The following B3GALT1 variants were observed in gnomAD, a reference collection of about 807,000 sequenced individuals.
B3GALT1 encodes UDP-Gal:betaGlcNAc beta 1,3-galactosyltransferase, polypeptide 1.
B3GALT1 carries 10 observed loss-of-function variants against 23.2 expected under a neutral mutation model. The ratio of observed to expected loss-of-function variants is 0.43; its 90% confidence interval spans 0.27 to 0.73. The LOEUF is 0.73. Ranked by LOEUF, B3GALT1 falls within the 30% of genes least tolerant of loss-of-function variation. The pLI is 0.21. For missense variants in B3GALT1, 299 were observed against 405.4 expected, an observed-to-expected ratio of 0.74 and a Z score of 2.25; for synonymous variants, 156 against 141.5, an observed-to-expected ratio of 1.10 and a Z score of -0.73.
At chr2:167,450,517 A>T (rs1157980717) in intron 1 of B3GALT1, among the ~76,000 whole-genome samples, 5 of 152,290 alleles carry the variant, frequency 3.3e-5, no homozygotes, top group African/African-American at 1.2e-4. Flanking sequence ...GCCTGAAGAT[A>T]GGGCCCCAAT....
chr2:167,529,076 C>T (rs768018878), intron 2 of B3GALT1, among the ~76,000 whole-genome samples: 1 of 152,062 alleles, frequency 6.6e-6, no homozygotes, highest in Non-Finnish European at 1.5e-5. Context: ...CACTGAAACT[C>T]ATGTCATTTC....
rs558219093 is a variant in B3GALT1 at position 167,320,271 on chromosome 2, C to T, written c.-511+26937C>T. Among the ~76,000 whole-genome samples, 483 of 151,370 alleles carry T rather than the reference C, an allele frequency of 3.2e-3. 4 individuals carry two copies. Among genetic ancestry groups the T allele is most frequent in the Non-Finnish European group, 3.7e-3 (250 of 67,834 alleles). ...GTGACATGATCTTGGCTCACTGCAA[C>T]CTGTGCCTACTGGGTTCAAGAGATT... On this transcript the variant is annotated intron_variant, in intron 1 of 4. Coordinates refer to ENST00000392690, the MANE Select transcript of B3GALT1 (RefSeq NM_020981.4).
intron 1 of B3GALT1, among the ~76,000 whole-genome samples, chr2:167,452,814 T>C (rs1448661221): frequency 3.9e-5 from 6 of 152,192 alleles, no homozygotes; most frequent in Non-Finnish European, 8.8e-5. Context: ...AAGAGGCTGA[T>C]GTAGAAGCCA....
chr2:167,703,752 T>C (rs1184366176), intron 3 of B3GALT1, among the ~76,000 whole-genome samples: 2 of 152,142 alleles, frequency 1.3e-5, no homozygotes, highest in African/African-American at 4.8e-5. Flanking sequence ...GTAAGAGATA[T>C]TTAAAAACAA....
intron 2 of B3GALT1, among the ~76,000 whole-genome samples, chr2:167,615,620 A>G (rs1447291271): frequency 6.6e-6 from 1 of 152,070 alleles, no homozygotes; most frequent in African/African-American, 2.4e-5. Context: ...CGTGTTGCAT[A>G]CCATAAATAT....
At chr2:167,458,342 C>T (rs1699203319) in intron 1 of B3GALT1, among the ~76,000 whole-genome samples, 1 of 152,172 alleles carries the variant, frequency 6.6e-6, no homozygotes, top group South Asian at 2.1e-4. Context: ...CCACATTTTG[C>T]TTATCCATTC....
At chr2:167,314,435 C>T (rs1696680505) in intron 1 of B3GALT1, among the ~76,000 whole-genome samples, 2 of 152,118 alleles carry the variant, frequency 1.3e-5, no homozygotes, top group South Asian at 2.1e-4. Flanking sequence ...TTTCTCTGCT[C>T]ATATATGTTT....
At chr2:167,588,826 C>CTTCCTTCCTTCCTTCCTTCT (rs1386994544) in intron 2 of B3GALT1, among the ~76,000 whole-genome samples, 1 of 141,324 alleles carries the variant, frequency 7.1e-6, no homozygotes, top group Non-Finnish European at 1.5e-5. Flanking sequence ...TTTTTCCTTC[C>CTTCCTTCCTTCCTTCCTTCT]TTCCTTCCTT....
intron 1 of B3GALT1, among the ~76,000 whole-genome samples, chr2:167,399,700 C>A (rs1325329968): frequency 6.6e-6 from 1 of 152,032 alleles, no homozygotes; most frequent in Non-Finnish European, 1.5e-5. Context: ...CTCCTACACT[C>A]CTTTATCTCC....
chr2:167,427,920 A>C (rs1170453189), intron 1 of B3GALT1, among the ~76,000 whole-genome samples: 1 of 152,218 alleles, frequency 6.6e-6, no homozygotes, highest in Non-Finnish European at 1.5e-5. Flanking sequence ...TTAAAGATAC[A>C]GATATTTGGA....
chr2:167,501,077 A>C (rs1288547008), intron 2 of B3GALT1, among the ~76,000 whole-genome samples: 2 of 152,086 alleles, frequency 1.3e-5, no homozygotes, highest in Admixed American at 6.6e-5. Flanking sequence ...CAACTTCAGG[A>C]TGTATTTTAA....
At chr2:167,752,711 C>T (rs570633814) in intron 3 of B3GALT1, among the ~76,000 whole-genome samples, 13 of 151,408 alleles carry the variant, frequency 8.6e-5, no homozygotes, top group African/African-American at 2.9e-4. Flanking sequence ...AACAAAGCTC[C>T]GAAAAGGAAA....
At chr2:167,301,404 TC>T (rs1319121744) in intron 1 of B3GALT1, among the ~76,000 whole-genome samples, 6 of 152,182 alleles carry the variant, frequency 3.9e-5, no homozygotes, top group African/African-American at 1.4e-4. Context: ...CTTTTTCTGA[TC>T]ATGTTTCTGT....
At chr2:167,547,713 A>C (rs956409807) in intron 2 of B3GALT1, among the ~76,000 whole-genome samples, 1 of 150,774 alleles carries the variant, frequency 6.6e-6, no homozygotes. Context: ...AAAAAAAAAA[A>C]GAAGAGTCAC....
At chr2:167,729,956 G>T (rs763105848) in intron 3 of B3GALT1, among the ~76,000 whole-genome samples, 5 of 152,094 alleles carry the variant, frequency 3.3e-5, no homozygotes, top group Non-Finnish European at 7.4e-5. Context: ...AATTCCAGGG[G>T]GTGTGAGTTT....
intron 1 of B3GALT1, among the ~76,000 whole-genome samples, chr2:167,428,867 A>G (rs1355827828): frequency 6.6e-6 from 1 of 152,218 alleles, no homozygotes; most frequent in East Asian, 1.9e-4. Context: ...TAAGAGGCCA[A>G]AATAATCTGA....
At chr2:167,804,408 T>C (rs1574270862) in intron 3 of B3GALT1, among the ~76,000 whole-genome samples, 2 of 152,214 alleles carry the variant, frequency 1.3e-5, no homozygotes, top group Non-Finnish European at 1.5e-5. Context: ...ACATGTGCCA[T>C]GTTGGTGTGC....
In B3GALT1 at chr2:167,699,941, G is replaced by C. The variant is rs1382325820; in HGVS notation, c.-352+52975G>C. Among the ~76,000 whole-genome samples, 5 of 152,296 alleles carry C rather than the reference G, an allele frequency of 3.3e-5. No individual in the cohort carries two copies. The South Asian group carries it at 1.0e-3, about 32-fold the overall frequency. On this transcript the variant is annotated intron_variant, in intron 3 of 4. Transcript: ENST00000392690. ...TTGGTCAGGCTGGTCTTGAACTCCT[G>C]ACCTCAGGTGATTAACCCACCTCGG...
intron 2 of B3GALT1, among the ~76,000 whole-genome samples, chr2:167,512,631 TATATAC>T (rs1486752097): frequency 0.024 from 2,211 of 94,042 alleles, 120 homozygotes; most frequent in East Asian, 0.17. Context: ...CGTGTATATA[TATATAC>T]ATATATATAT....
Sources: allele counts gnomAD v4.1 joint callset (sites outside exome capture counted in the v4.1 genomes callset), GRCh38; gene constraint gnomAD v4.1.1; transcripts MANE v1.5; gene names NCBI Gene and HGNC (gene_info 2026-07-23, HGNC 2026-07-21).